HOOK1: variants seen among roughly 807,000 people sequenced by gnomAD.
HOOK1 encodes protein Hook homolog 1.
In HOOK1, 60 loss-of-function variants were observed where a neutral mutation model predicts 112.8. The observed-to-expected ratio is 0.53, with a 90% CI of 0.43 to 0.66. The LOEUF (loss-of-function observed/expected upper bound fraction) is 0.66, where lower values mean the gene tolerates loss of function less well. Among genes scored for constraint, HOOK1 ranks in the 30% least tolerant of loss-of-function variants. HOOK1 has a pLI of 0.00. For missense variants in HOOK1, 770 were observed against 856.0 expected (o/e 0.90, Z 1.25); for synonymous variants, 294 against 283.8 (o/e 1.04, Z -0.36).
chr1:59,862,680 T>A, intron 15 of HOOK1, 104 bp from the exon 16 acceptor site: 1 of 674,856 alleles, frequency 1.5e-6, no homozygotes, highest in Non-Finnish European at 2.7e-6. Flanking sequence ...GTCATTGCTA[T>A]AAAAATATTT....
intron 1 of HOOK1, among the ~76,000 whole-genome samples, chr1:59,816,537 A>G (rs1383387630): frequency 6.6e-6 from 1 of 152,208 alleles, no homozygotes; most frequent in African/African-American, 2.4e-5. Context: ...AGTCTTTATG[A>G]TGTCATTGAT....
chr1:59,846,577 T>TCCCTC (rs2098404051), intron 9 of HOOK1, among the ~76,000 whole-genome samples: 4 of 9,248 alleles, frequency 4.3e-4, no homozygotes, highest in African/African-American at 1.1e-3. Context: ...CTTCCTTCCT[T>TCCCTC]CCTTCCTTCC....
intron 5 of HOOK1, among the ~76,000 whole-genome samples, chr1:59,834,015 G>C (rs1337570080): frequency 6.6e-6 from 1 of 152,148 alleles, no homozygotes; most frequent in Non-Finnish European, 1.5e-5. Flanking sequence ...AAATGGAATT[G>C]ATGCATTATA....
chr1:59,845,173 C>T (rs2098403030), intron 9 of HOOK1, among the ~76,000 whole-genome samples: 1 of 151,896 alleles, frequency 6.6e-6, no homozygotes, highest in Non-Finnish European at 1.5e-5. Flanking sequence ...CTTCCTCTTG[C>T]TGAATCCTTA....
Position 59,873,231 on chromosome 1 carries a change from A to G in HOOK1, c.*266A>G, listed in dbSNP as rs1367448626. The G allele has an allele frequency of 3.7e-6, 1 of 270,374 alleles. No homozygotes were observed. Among genetic ancestry groups the G allele is most frequent in the Non-Finnish European group, 6.8e-6 (1 of 146,278 alleles). 16.7% of individuals were successfully genotyped at this position (270,374 alleles called of 1,614,324 possible). A position where few individuals can be genotyped will look rare whatever the true frequency, so the allele number is the denominator to read the frequency against. On this transcript the variant is annotated 3_prime_UTR_variant, in exon 22 of 22. Coordinates refer to ENST00000371208, the MANE Select transcript of HOOK1 (RefSeq NM_015888.6). ...TTCAAACAAACATTTGTCTTTTGAG[A>G]GTATTATAATTTCAAATTGGCCTTG...
At chr1:59,844,661 T>A (rs912232013) in intron 9 of HOOK1, among the ~76,000 whole-genome samples, 1 of 152,016 alleles carries the variant, frequency 6.6e-6, no homozygotes, top group South Asian at 2.1e-4. Flanking sequence ...TTGGATTGTA[T>A]AATTGATATC....
rs1261589562 is a variant in HOOK1, at chr1:59,864,742, C to A, written c.1661+76C>A. Reference sequence around the variant, plus strand: ...AAGCCTCTAAAGTTAATCTCCTTTTCGGATTTTGTCTAGAAAAGCAAATAT... The same window carrying A: ...AAGCCTCTAAAGTTAATCTCCTTTTAGGATTTTGTCTAGAAAAGCAAATAT... On this transcript the variant is annotated intron_variant, in intron 17 of 21. Transcript: ENST00000371208. 4.4e-6 allele frequency: 4 copies of A among 916,932 alleles called. No individual in the cohort carries two copies. The South Asian group carries it at 4.6e-5, about 10-fold the overall frequency. The allele number at this position is 916,932 out of a possible 1,614,324, so 56.8% of individuals were successfully genotyped here.
At position 59,871,066 on chromosome 1, in the gene HOOK1, C is replaced by T. The variant is rs780372335; in HGVS notation, c.1972C>T (p.Arg658Cys). 13 of 1,610,470 alleles carry T rather than the reference C, an allele frequency of 8.1e-6. No homozygotes were observed. Among genetic ancestry groups the T allele is most frequent in the East Asian group, 2.2e-5 (1 of 44,706 alleles). The change falls in exon 21 of 22, where the codon CGT becomes TGT. Residue 658 changes from arginine to cysteine, a missense_variant. This residue lies in a region of HOOK1 where 111 missense variants were observed against 111.8 expected (regional missense o/e 0.99). Coordinates refer to ENST00000371208, the MANE Select transcript of HOOK1 (RefSeq NM_015888.6). The part of the protein sequence containing the change: ...LESECKVAKF[R>C]DYEEKLIVSA... ...GAGTGAATGCAAAGTAGCAAAATTCCGTGATTATGAAGAAAAACTCATTGT... is the reference window on the plus strand; with the variant it reads ...GAGTGAATGCAAAGTAGCAAAATTCTGTGATTATGAAGAAAAACTCATTGT...
intron 4 of HOOK1, among the ~76,000 whole-genome samples, chr1:59,832,799 T>C (rs1222622470): frequency 6.6e-6 from 1 of 152,088 alleles, no homozygotes; most frequent in Non-Finnish European, 1.5e-5. Context: ...TTTCTATTCT[T>C]TAAAGTCGTC....
chr1:59,839,724 A>G (rs1221558943), intron 7 of HOOK1, among the ~76,000 whole-genome samples: 1 of 152,144 alleles, frequency 6.6e-6, no homozygotes. Flanking sequence ...TTCCAATACT[A>G]TGTTGAATAG....
At chr1:59,849,898 G>T (rs1227945886) in intron 12 of HOOK1, among the ~76,000 whole-genome samples, 1 of 151,404 alleles carries the variant, frequency 6.6e-6, no homozygotes, top group Non-Finnish European at 1.5e-5. Context: ...CTACTTTTTG[G>T]CTGTTATGAA....
chr1:59,853,508 C>T (rs1179725539), intron 12 of HOOK1, among the ~76,000 whole-genome samples: 1 of 151,958 alleles, frequency 6.6e-6, no homozygotes, highest in East Asian at 1.9e-4. Flanking sequence ...TTTCTTTCAC[C>T]TAGCATTTAC....
chr1:59,832,924 A>G (rs1445859050), intron 4 of HOOK1, among the ~76,000 whole-genome samples: 1 of 152,124 alleles, frequency 6.6e-6, no homozygotes, highest in Non-Finnish European at 1.5e-5. Flanking sequence ...AACCCTTTTA[A>G]TCAGCTAAAA....
At chr1:59,829,993 A>T (rs1270029892) in intron 3 of HOOK1, among the ~76,000 whole-genome samples, 3 of 152,064 alleles carry the variant, frequency 2.0e-5, no homozygotes, top group Admixed American at 2.0e-4. Flanking sequence ...GGTAATTCAA[A>T]TTCAAAATAT....
intron 5 of HOOK1, 34 bp from the exon 6 acceptor site, chr1:59,835,311 G>C: frequency 8.1e-7 from 1 of 1,238,986 alleles, no homozygotes; most frequent in South Asian, 1.2e-5. Context: ...GTAAAGAGTA[G>C]ATTTTTTTCA....
At chr1:59,867,808 A>T (rs914504983) in intron 19 of HOOK1, among the ~76,000 whole-genome samples, 1 of 152,180 alleles carries the variant, frequency 6.6e-6, no homozygotes, top group South Asian at 2.1e-4. Flanking sequence ...AGTAAAAAAG[A>T]TTATTGCTAA....
Position 59,873,201 on chromosome 1 carries a change from C to A in HOOK1, c.*236C>A, listed in dbSNP as rs184300633. The A allele has an allele frequency of 1.7e-4, 56 of 330,982 alleles. 1 individual carries two copies. The East Asian group carries it at 2.6e-3, about 16-fold the overall frequency. 20.5% of individuals were successfully genotyped at this position (330,982 alleles called of 1,614,324 possible). A position where few individuals can be genotyped will look rare whatever the true frequency, so the allele number is the denominator to read the frequency against. On this transcript the variant is annotated 3_prime_UTR_variant, in exon 22 of 22. Coordinates refer to ENST00000371208, the MANE Select transcript of HOOK1 (RefSeq NM_015888.6). Reference sequence around the variant, plus strand: ...GAATAATTGGAGATGCAGTTATACACACATTTCAAACAAACATTTGTCTTT... The same window carrying A: ...GAATAATTGGAGATGCAGTTATACAAACATTTCAAACAAACATTTGTCTTT...
rs544370153 is a variant in HOOK1 at position 59,872,786 on chromosome 1, T to A, written c.2017-9T>A. ...TGTTAAATAAAAAATATATGTTTTTTTTTTTCAGAGTCTAGCATTCCAGAA... is the reference window on the plus strand; with the variant it reads ...TGTTAAATAAAAAATATATGTTTTTATTTTTCAGAGTCTAGCATTCCAGAA... On this transcript the variant is annotated splice_polypyrimidine_tract_variant and intron_variant, in intron 21 of 21. Coordinates refer to ENST00000371208, the MANE Select transcript of HOOK1 (RefSeq NM_015888.6). The A allele has an allele frequency of 1.8e-5, 25 of 1,391,610 alleles. No homozygotes were observed. The highest frequency in any genetic ancestry group is 2.3e-5 in the Non-Finnish European group (24 of 1,060,762). 86.2% of individuals were successfully genotyped at this position (1,391,610 alleles called of 1,614,324 possible).
At chr1:59,868,661 A>T (rs1281905000) in intron 20 of HOOK1, among the ~76,000 whole-genome samples, 1 of 152,148 alleles carries the variant, frequency 6.6e-6, no homozygotes, top group Non-Finnish European at 1.5e-5. Flanking sequence ...TGCAAATATG[A>T]TTTCATCTGG....
Sources: allele counts gnomAD v4.1 joint callset (sites outside exome capture counted in the v4.1 genomes callset), GRCh38; gene constraint gnomAD v4.1.1; regional missense constraint gnomAD v4.1.1; transcripts MANE v1.5; gene names NCBI Gene and HGNC (gene_info 2026-07-23, HGNC 2026-07-21).